NDFIP2: variants seen among roughly 807,000 people sequenced by gnomAD.
NDFIP2 encodes the protein Nedd4 family interacting protein 2.
A neutral mutation model predicts 36.0 loss-of-function variants in NDFIP2; 19 were observed. The observed-to-expected ratio is 0.53, with a 90% CI of 0.37 to 0.77. The LOEUF (loss-of-function observed/expected upper bound fraction) is 0.77, where lower values mean the gene tolerates loss of function less well. NDFIP2 is among the 30% of genes least tolerant of loss of function. NDFIP2 has a pLI of 0.00. For synonymous variants in NDFIP2, 181 were observed against 167.7 expected, an observed-to-expected ratio of 1.08 and a Z score of -0.61; for missense variants, 446 against 435.8, an observed-to-expected ratio of 1.02 and a Z score of -0.21.
chr13:79,539,880 C>G (rs1454969692), intron 4 of NDFIP2, 105 bp downstream of exon 4: 1 of 858,708 alleles, frequency 1.2e-6, no homozygotes, highest in African/African-American at 1.7e-5. Flanking sequence ...ATATGTCTAC[C>G]TTTCTTAAAA....
rs1188375055 is a variant in NDFIP2, at chr13:79,510,230, A to G, written c.322-10580A>G. Among the ~76,000 whole-genome samples, 3 of 152,048 alleles carry G rather than the reference A, an allele frequency of 2.0e-5. No individual in the cohort carries two copies. The East Asian group carries it at 5.8e-4, about 29-fold the overall frequency. On this transcript the variant is annotated intron_variant, in intron 1 of 7. Coordinates refer to ENST00000218652, the MANE Select transcript of NDFIP2 (RefSeq NM_019080.3). ...TTTTTGACAGGCAGAAGTCCTGTAT[A>G]TGAACATTTGCTATTATTGCTGTGT...
chr13:79,482,185 T>C lies in NDFIP2; in HGVS notation c.321+661T>C, dbSNP rs1329690640. On this transcript the variant is annotated intron_variant, in intron 1 of 7. Coordinates refer to ENST00000218652, the MANE Select transcript of NDFIP2 (RefSeq NM_019080.3). The stretch of plus-strand genomic sequence containing the variant: ...TCTTTCTTTCTTTTTTTTTTTTTTT[T>C]TTTTTTTTTTGGTTAGAGGGGAAAC... 5.4e-5 allele frequency among the ~76,000 whole-genome samples: 8 copies of C among 147,124 alleles called. 1 individual carries two copies. Among genetic ancestry groups the C allele is most frequent in the African/African-American group, 1.5e-4 (6 of 40,192 alleles).
At chr13:79,545,741 T>G (rs1875644551) in intron 5 of NDFIP2, among the ~76,000 whole-genome samples, 1 of 152,112 alleles carries the variant, frequency 6.6e-6, no homozygotes, top group Admixed American at 6.6e-5. Context: ...GGTCCCACAG[T>G]TGTTTTTTTT....
Position 79,481,223 on chromosome 13 carries a change from A to C in NDFIP2, c.20A>C (p.Gln7Pro). 1 of 1,518,952 alleles carries C rather than the reference A, an allele frequency of 6.6e-7. No homozygotes were observed. Among genetic ancestry groups the C allele is most frequent in the South Asian group, 1.2e-5 (1 of 82,142 alleles). 94.1% of individuals were successfully genotyped at this position (1,518,952 alleles called of 1,614,324 possible). ...GCGCGGATGGCACGCCGGCGGAGCC[A>C]GCGAGTCTGCGCGAGCGGTCCGAGC... MARRRS[Q>P]RVCASGPSML... Residue 7 changes from glutamine to proline, a missense_variant, in exon 1 of 8, where the codon CAG becomes CCG. Gln to Pro is a moderately conservative substitution (Grantham distance 76). This residue lies in a region of NDFIP2 where 369 missense variants were observed against 304.8 expected (regional missense o/e 1.21). Coordinates refer to ENST00000218652, the MANE Select transcript of NDFIP2 (RefSeq NM_019080.3).
rs1019523789 is a variant in NDFIP2, at chr13:79,485,631, C to A, written c.321+4107C>A. Among the ~76,000 whole-genome samples, 5 of 152,216 alleles carry A rather than the reference C, an allele frequency of 3.3e-5. No individual in the cohort carries two copies. In the South Asian group the frequency reaches 1.0e-3, roughly 32 times the overall value. ...TTATCTGGCTTATATTCTTACCACACCTCTTTTACATAATCAAGGTTACCC... is the reference window on the plus strand; with the variant it reads ...TTATCTGGCTTATATTCTTACCACAACTCTTTTACATAATCAAGGTTACCC... On this transcript the variant is annotated intron_variant, in intron 1 of 7. Transcript: ENST00000218652.
rs1339661965 is a variant in NDFIP2, at chr13:79,481,653, G to C, written c.321+129G>C. The C allele has an allele frequency of 2.5e-6, 3 of 1,178,778 alleles. No homozygotes were observed. The African/African-American group carries it at 4.8e-5, about 19-fold the overall frequency. 73.0% of individuals were successfully genotyped at this position (1,178,778 alleles called of 1,614,324 possible). A position where few individuals can be genotyped will look rare whatever the true frequency, so the allele number is the denominator to read the frequency against. ...TTGTTGTGTTTTGTTTTGTTTTTTT[G>C]GATCTTCTGGCTGGAGCTGCTTCAC... On this transcript the variant is annotated intron_variant, in intron 1 of 7. Transcript: ENST00000218652.
intron 2 of NDFIP2, among the ~76,000 whole-genome samples, chr13:79,529,004 T>A (rs1459251803): frequency 6.6e-6 from 1 of 152,194 alleles, no homozygotes; most frequent in Admixed American, 6.5e-5. Flanking sequence ...CTGAGTAACA[T>A]AAATAATAAT....
chr13:79,497,535 GT>G (rs561509601), intron 1 of NDFIP2, among the ~76,000 whole-genome samples: 2 of 151,176 alleles, frequency 1.3e-5, no homozygotes, highest in African/African-American at 4.9e-5. Flanking sequence ...AGGTAGTTGT[GT>G]TTTTTTATTT....
intron 5 of NDFIP2, among the ~76,000 whole-genome samples, chr13:79,544,492 GTTTTTT>G (rs10714865): frequency 7.0e-6 from 1 of 142,348 alleles, no homozygotes; most frequent in Non-Finnish European, 1.6e-5. Flanking sequence ...TTTCTTCCTA[GTTTTTT>G]TTTTTTTTAA....
At chr13:79,501,972 T>C (rs951583573) in intron 1 of NDFIP2, among the ~76,000 whole-genome samples, 1 of 152,144 alleles carries the variant, frequency 6.6e-6, no homozygotes, top group Non-Finnish European at 1.5e-5. Flanking sequence ...TGCCTCAGAA[T>C]TTCTAGTTGT....
chr13:79,524,906 G>C (rs1247932398), intron 2 of NDFIP2, among the ~76,000 whole-genome samples: 2 of 152,058 alleles, frequency 1.3e-5, no homozygotes, highest in Non-Finnish European at 2.9e-5. Flanking sequence ...TGCCTCCTTT[G>C]TACTTTGATA....
chr13:79,547,690 A>G (rs1365596546), intron 5 of NDFIP2, among the ~76,000 whole-genome samples: 9 of 152,104 alleles, frequency 5.9e-5, no homozygotes, highest in African/African-American at 1.4e-4. Flanking sequence ...ACTGTCTACC[A>G]TGGCCACTAA....
At chr13:79,534,333 A>G (rs995996752) in intron 3 of NDFIP2, among the ~76,000 whole-genome samples, 1 of 147,758 alleles carries the variant, frequency 6.8e-6, no homozygotes. Flanking sequence ...AAGGCCTTCA[A>G]ATTATTTTTG....
At chr13:79,508,482 C>T (rs1722609506) in intron 1 of NDFIP2, among the ~76,000 whole-genome samples, 1 of 152,200 alleles carries the variant, frequency 6.6e-6, no homozygotes, top group African/African-American at 2.4e-5. Flanking sequence ...ATATGCTAAA[C>T]AATGGGTGGA....
chr13:79,543,765 T>TCCG, intron 5 of NDFIP2, 83 bp downstream of exon 5: 1 of 1,512,436 alleles, frequency 6.6e-7, no homozygotes, highest in Non-Finnish European at 9.0e-7. Flanking sequence ...AATGGTCACT[T>TCCG]TATTTTCATG....
chr13:79,489,081 G>A (rs978607789), intron 1 of NDFIP2, among the ~76,000 whole-genome samples: 5 of 152,122 alleles, frequency 3.3e-5, no homozygotes, highest in Non-Finnish European at 7.4e-5. Context: ...GTTTTATATT[G>A]CTGTGTAACA....
chr13:79,535,768 A>C (rs1365223441), intron 3 of NDFIP2, among the ~76,000 whole-genome samples: 1 of 150,460 alleles, frequency 6.6e-6, no homozygotes, highest in African/African-American at 2.5e-5. Flanking sequence ...AGGAGAGTAG[A>C]TTTTAAGCGT....
At chr13:79,544,944 C>G (rs1406607208) in intron 5 of NDFIP2, among the ~76,000 whole-genome samples, 2 of 151,900 alleles carry the variant, frequency 1.3e-5, no homozygotes, top group African/African-American at 4.8e-5. Flanking sequence ...TAGAACTATC[C>G]CCTGACAATT....
At chr13:79,484,157 AAGTGTGGTGC>A (rs1307479459) in intron 1 of NDFIP2, among the ~76,000 whole-genome samples, 9 of 151,970 alleles carry the variant, frequency 5.9e-5, no homozygotes, top group Non-Finnish European at 8.8e-5. Context: ...CTGGGACTAC[AAGTGTGGTGC>A]ACCACACCTG....
Sources: allele counts gnomAD v4.1 joint callset (sites outside exome capture counted in the v4.1 genomes callset), GRCh38; gene constraint gnomAD v4.1.1; regional missense constraint gnomAD v4.1.1; transcripts MANE v1.5; gene names NCBI Gene and HGNC (gene_info 2026-07-23, HGNC 2026-07-21).